GALNT15: variants seen among roughly 807,000 people sequenced by gnomAD.
GALNT15 encodes UDP-GalNAc transferase T15.
A neutral mutation model predicts 66.8 loss-of-function variants in GALNT15; 67 were observed. That is an observed-to-expected ratio of 1.00 (90% CI 0.82 to 1.23). The LOEUF (loss-of-function observed/expected upper bound fraction) is 1.23, where lower values mean the gene tolerates loss of function less well. Ranked by LOEUF, GALNT15 falls within the 50% of genes most tolerant of loss-of-function variation. GALNT15 has a pLI of 0.00. For missense variants in GALNT15, 827 were observed against 804.3 expected, an observed-to-expected ratio of 1.03 and a Z score of -0.34; for synonymous variants, 313 against 311.5, an observed-to-expected ratio of 1.00 and a Z score of -0.05.
the GALNT15 span, among the ~76,000 whole-genome samples, chr3:16,242,175 C>T: frequency 6.6e-6 from 1 of 152,188 alleles, no homozygotes; most frequent in African/African-American, 2.4e-5. The surrounding 1 kb of genome is among the most constrained non-coding windows in gnomAD (Gnocchi z 5.6). Flanking sequence ...CTCCTTTGCT[C>T]AAAGCAATCA....
At chr3:16,215,916 A>AACAAACAAAAAAAAAAAAAAAC (rs1553687148) in intron 6 of GALNT15, among the ~76,000 whole-genome samples, 8 of 143,530 alleles carry the variant, frequency 5.6e-5, no homozygotes, top group South Asian at 5.0e-4. Context: ...CAAAAAAAAA[A>AACAAACAAAAAAAAAAAAAAAC]AAAAAAAAAG....
At chr3:16,185,671 C>A (rs899638208) in intron 1 of GALNT15, among the ~76,000 whole-genome samples, 2 of 152,178 alleles carry the variant, frequency 1.3e-5, no homozygotes, top group Non-Finnish European at 2.9e-5. Context: ...TTCAAATAAC[C>A]TTCCATCATT....
intron 1 of GALNT15, among the ~76,000 whole-genome samples, chr3:16,177,112 C>T (rs531278890): frequency 6.6e-6 from 1 of 152,296 alleles, no homozygotes; most frequent in South Asian, 2.1e-4. Flanking sequence ...CAGTCGAATG[C>T]CTGCTTTCCC....
chr3:16,219,767 C>T lies in GALNT15; in HGVS notation c.1525-143C>T. On this transcript the variant is annotated intron_variant, in intron 7 of 9. Coordinates refer to ENST00000339732, the MANE Select transcript of GALNT15 (RefSeq NM_054110.5). The surrounding 1 kb of genome is among the most constrained non-coding windows in gnomAD (Gnocchi z 4.3). ...GCCTGTCCCTTAGGGTCAGTGGCTT[C>T]AGCTTTACCACACCTGTTGTTGTGG... 1.1e-6 allele frequency: 1 copy of T among 880,494 alleles called. No individual in the cohort carries two copies. Among genetic ancestry groups the T allele is most frequent in the South Asian group, 1.5e-5 (1 of 66,854 alleles). 54.5% of individuals were successfully genotyped at this position (880,494 alleles called of 1,614,324 possible). A position where few individuals can be genotyped will look rare whatever the true frequency, so the allele number is the denominator to read the frequency against.
chr3:16,226,494 C>T (rs934630030), intron 9 of GALNT15, among the ~76,000 whole-genome samples: 1 of 152,018 alleles, frequency 6.6e-6, no homozygotes, highest in Non-Finnish European at 1.5e-5. Context: ...TGGCAGAAGG[C>T]GAAGAGGAAG....
chr3:16,189,964 C>A lies in GALNT15; in HGVS notation c.540-5796C>A, dbSNP rs939454246. On this transcript the variant is annotated intron_variant, in intron 1 of 9. Coordinates refer to ENST00000339732, the MANE Select transcript of GALNT15 (RefSeq NM_054110.5). The surrounding 1 kb of genome is among the most constrained non-coding windows in gnomAD (Gnocchi z 5.1). Reference sequence around the variant, plus strand: ...GGTACTTGCCCAGGTCACATAAGGACAGACTGGGATTTGAACCCAATGCCA... The same window carrying A: ...GGTACTTGCCCAGGTCACATAAGGAAAGACTGGGATTTGAACCCAATGCCA... Among the ~76,000 whole-genome samples, 1 of 152,192 alleles carries A rather than the reference C, an allele frequency of 6.6e-6. No individual in the cohort carries two copies. Among genetic ancestry groups the A allele is most frequent in the Non-Finnish European group, 1.5e-5 (1 of 68,030 alleles).
In GALNT15 at chr3:16,191,732, T is replaced by G. The variant is rs2063581503; in HGVS notation, c.540-4028T>G. ...GCTAGAGTTTAAATACAAATTTCTT[T>G]CATTGAAGGAGGCCCTGCTCCATGC... On this transcript the variant is annotated intron_variant, in intron 1 of 9. Transcript: ENST00000339732. This position sits in a 1 kb window ranked among gnomAD's most constrained non-coding sequence, Gnocchi z 5.2. 6.6e-6 allele frequency among the ~76,000 whole-genome samples: 1 copy of G among 152,184 alleles called. No homozygotes were observed. The highest frequency in any genetic ancestry group is 2.4e-5 in the African/African-American group (1 of 41,440).
In GALNT15 at chr3:16,225,609, C is replaced by T. The variant is rs569359798; in HGVS notation, c.1774-1745C>T. Among the ~76,000 whole-genome samples the T allele has an allele frequency of 1.3e-5, 2 of 152,042 alleles. No homozygotes were observed. Among genetic ancestry groups the T allele is most frequent in the Non-Finnish European group, 2.9e-5 (2 of 68,016 alleles). On this transcript the variant is annotated intron_variant, in intron 9 of 9. Coordinates refer to ENST00000339732, the MANE Select transcript of GALNT15 (RefSeq NM_054110.5). The surrounding 1 kb of genome is among the most constrained non-coding windows in gnomAD (Gnocchi z 4.4). ...ACTCAGGAGGTTGAGGCAGGAGAAT[C>T]GCTTGAACCCAGGAGGCAGAGGTTG... is the stretch of plus-strand genomic sequence containing the variant.
intron 1 of GALNT15, among the ~76,000 whole-genome samples, chr3:16,192,580 G>T (rs955422598): frequency 2.6e-5 from 4 of 152,214 alleles, no homozygotes; most frequent in Non-Finnish European, 5.9e-5. Context: ...AAAAGAAGTG[G>T]AGAGGATATG....
chr3:16,234,901 G>C (rs2657582), downstream of GALNT15, among the ~76,000 whole-genome samples: 108,426 of 151,088 alleles, frequency 0.72, 38,994 homozygotes, highest in African/African-American at 0.75. Flanking sequence ...GGAGGGGCAA[G>C]ATAGTTGGTC....
At chr3:16,210,212 A>C (rs992147990) in intron 4 of GALNT15, among the ~76,000 whole-genome samples, 2 of 152,168 alleles carry the variant, frequency 1.3e-5, no homozygotes, top group African/African-American at 4.8e-5. Flanking sequence ...TTTTATCCCC[A>C]ATTAGAGGTG....
rs1014427697 is a variant in GALNT15, at chr3:16,191,906, A to C, written c.540-3854A>C. On this transcript the variant is annotated intron_variant, in intron 1 of 9. Coordinates refer to ENST00000339732, the MANE Select transcript of GALNT15 (RefSeq NM_054110.5). This position sits in a 1 kb window ranked among gnomAD's most constrained non-coding sequence, Gnocchi z 5.2. ...GTTTAAAGATAGCTATAATTTGCAAAGATGATCATAAATATAACATTCATA... is the reference window on the plus strand; with the variant it reads ...GTTTAAAGATAGCTATAATTTGCAACGATGATCATAAATATAACATTCATA... Among the ~76,000 whole-genome samples, 3 of 152,240 alleles carry C rather than the reference A, an allele frequency of 2.0e-5. No homozygotes were observed. Among genetic ancestry groups the C allele is most frequent in the African/African-American group, 4.8e-5 (2 of 41,458 alleles).
At chr3:16,218,961 T>G (rs866953586) in intron 6 of GALNT15, among the ~76,000 whole-genome samples, 3 of 152,030 alleles carry the variant, frequency 2.0e-5, no homozygotes, top group South Asian at 2.1e-4. Context: ...ATTACAGGCA[T>G]GCGCCACCAC....
At chr3:16,230,996 A>T (rs971009197), downstream of GALNT15, among the ~76,000 whole-genome samples, 2 of 152,108 alleles carry the variant, frequency 1.3e-5, no homozygotes, top group African/African-American at 2.4e-5. The surrounding 1 kb of genome is among the most constrained non-coding windows in gnomAD (Gnocchi z 4.5). Context: ...CTTTGCAGGG[A>T]CATGGATGAA....
Position 16,193,802 on chromosome 3 carries a change from C to G in GALNT15, c.540-1958C>G, listed in dbSNP as rs116542072. On this transcript the variant is annotated intron_variant, in intron 1 of 9. Coordinates refer to ENST00000339732, the MANE Select transcript of GALNT15 (RefSeq NM_054110.5). This position sits in a 1 kb window ranked among gnomAD's most constrained non-coding sequence, Gnocchi z 4.7. ...CTTGAGATGGCTCCTATTCAAATGT[C>G]CCTCTGAGGAGGAACATAGTTTGAG... Among the ~76,000 whole-genome samples, 2,027 of 152,284 alleles carry G rather than the reference C, an allele frequency of 0.013. 40 individuals carry two copies. The highest frequency in any genetic ancestry group is 0.045 in the African/African-American group (1,876 of 41,548).
At chr3:16,215,677 C>T (rs551623387) in intron 6 of GALNT15, among the ~76,000 whole-genome samples, 30 of 151,940 alleles carry the variant, frequency 2.0e-4, no homozygotes, top group African/African-American at 5.8e-4. Flanking sequence ...TTTGGGAGGC[C>T]GAGGTGGGTG....
rs1345445101 is a variant in GALNT15 at position 16,219,802 on chromosome 3, T to A, written c.1525-108T>A. 5 of 979,888 alleles carry A rather than the reference T, an allele frequency of 5.1e-6. No homozygotes were observed. The highest frequency in any genetic ancestry group is 1.4e-5 in the South Asian group (1 of 72,728). 60.7% of individuals were successfully genotyped at this position (979,888 alleles called of 1,614,324 possible). ...ACACCTGTTGTTGTGGCCTGAACAA[T>A]GTGCCTTGGGCTGCACTCCAGAGAA... On this transcript the variant is annotated intron_variant, in intron 7 of 9. Transcript: ENST00000339732. This position sits in a 1 kb window ranked among gnomAD's most constrained non-coding sequence, Gnocchi z 4.3.
chr3:16,185,059 G>A (rs1371716191), intron 1 of GALNT15, among the ~76,000 whole-genome samples: 2 of 152,160 alleles, frequency 1.3e-5, no homozygotes, highest in Admixed American at 6.5e-5. Flanking sequence ...AAGAGGATAT[G>A]GGCAGGGGCA....
At position 16,198,690 on chromosome 3, in the gene GALNT15, C is replaced by T. The variant is rs1303081995; in HGVS notation, c.707-1929C>T. On this transcript the variant is annotated intron_variant, in intron 2 of 9. Transcript: ENST00000339732. ...AAATAATTATAAAGTAACACATCAA[C>T]GAAGCATTTTACCAGTGAGAATTGC... Among the ~76,000 whole-genome samples the T allele has an allele frequency of 3.5e-5, 5 of 142,898 alleles. 1 individual carries two copies. The highest frequency in any genetic ancestry group is 1.3e-4 in the African/African-American group (5 of 38,412). The allele number at this position is 142,898 out of a possible 152,430, so 93.7% of individuals were successfully genotyped here.
Sources: gnomAD v4.1 joint callset for allele counts (sites outside exome capture counted in the v4.1 genomes callset) on GRCh38, gnomAD v4.1.1 for gene constraint, Gnocchi (gnomAD v3.1) non-coding constraint, MANE v1.5 for transcripts, NCBI Gene and HGNC (gene_info 2026-07-23, HGNC 2026-07-21) for gene names.